Variants in PTPN7 observed in about 807,000 individuals in gnomAD.
The protein encoded by PTPN7 is protein tyrosine phosphatase non-receptor type 7.
In PTPN7, 33 loss-of-function variants were observed where a neutral mutation model predicts 50.3. The observed-to-expected ratio is 0.66, with a 90% CI of 0.50 to 0.88. The LOEUF (loss-of-function observed/expected upper bound fraction) is 0.88, where lower values mean the gene tolerates loss of function less well. PTPN7 is among the 40% of genes least tolerant of loss of function. The probability of loss-of-function intolerance (pLI) is 0.00; values close to 1 mark genes in which losing one functional copy is unlikely to be tolerated. For synonymous variants in PTPN7, 185 were observed against 186.6 expected (o/e 0.99, Z 0.07); for missense variants, 412 against 475.4 (o/e 0.87, Z 1.24).
At position 202,150,394 on chromosome 1, in the gene PTPN7, G is replaced by A. The variant is rs376471036; in HGVS notation, c.906C>T (p.Ile302=). Residue 302 remains isoleucine, a synonymous_variant, in exon 9 of 10, where the codon ATC becomes ATT. Coordinates refer to ENST00000691036, the MANE Select transcript of PTPN7 (RefSeq NM_002832.4). ...GCTGTTGACAGCCAATTCGCGTGGCGATGAAGCAGCCCGTCCGGCCAATCC... is the reference window on the plus strand; with the variant it reads ...GCTGTTGACAGCCAATTCGCGTGGCAATGAAGCAGCCCGTCCGGCCAATCC... ...SAGIGRTGCF[I]ATRIGCQQLK... is the part of the protein sequence containing the mutation. 32 of 1,611,556 alleles carry A rather than the reference G, an allele frequency of 2.0e-5. No individual in the cohort carries two copies. Among genetic ancestry groups the A allele is most frequent in the African/African-American group, 1.9e-4 (14 of 74,996 alleles).
upstream of PTPN7, chr1:202,161,465 A>T: frequency 7.8e-7 from 1 of 1,289,674 alleles, no homozygotes. Context: ...GATGCCTGGG[A>T]CCTGAAGGGT....
chr1:202,159,161 A>G lies in PTPN7; in HGVS notation c.122+120T>C. ...ACTACTGGTTTCCTTTCCAAATTGG[A>G]GTCAACAACTGAGGGCCCTCTGGAC... is the stretch of plus-strand genomic sequence containing the variant. On this transcript the variant is annotated intron_variant, in intron 2 of 9. Transcript: ENST00000691036. This position sits in a 1 kb window ranked among gnomAD's most constrained non-coding sequence, Gnocchi z 4.6. 1 of 921,974 alleles carries G rather than the reference A, an allele frequency of 1.1e-6. No individual in the cohort carries two copies. The highest frequency in any genetic ancestry group is 2.4e-5 in the East Asian group (1 of 41,330). The allele number at this position is 921,974 out of a possible 1,614,324, so 57.1% of individuals were successfully genotyped here. A position where few individuals can be genotyped will look rare whatever the true frequency, so the allele number is the denominator to read the frequency against.
At position 202,160,379 on chromosome 1, in the gene PTPN7, C is replaced by G. The variant is rs907494726; in HGVS notation, c.-53+166G>C. ...TGTAGCTCCCTGTGGCTTCCCTGCT[C>G]ACCCCCGTCTTGGGGACATCAGGTC... On this transcript the variant is annotated intron_variant, in intron 1 of 9. Transcript: ENST00000691036. The surrounding 1 kb of genome is among the most constrained non-coding windows in gnomAD (Gnocchi z 4.8). 6.6e-6 allele frequency among the ~76,000 whole-genome samples: 1 copy of G among 152,074 alleles called. No individual in the cohort carries two copies. Among genetic ancestry groups the G allele is most frequent in the African/African-American group, 2.4e-5 (1 of 41,398 alleles).
intron 7 of PTPN7, among the ~76,000 whole-genome samples, chr1:202,153,422 C>G (rs563068999): frequency 1.3e-5 from 2 of 152,354 alleles, no homozygotes; most frequent in Non-Finnish European, 2.9e-5. Context: ...CCACACCTGG[C>G]CTTCCACATC....
intron 9 of PTPN7, chr1:202,149,860 T>C (rs997420637): frequency 7.2e-6 from 1 of 138,916 alleles, no homozygotes; most frequent in Non-Finnish European, 1.5e-5. Flanking sequence ...TGAGTCAGAG[T>C]CTTGCTCTGT....
In PTPN7 at chr1:202,160,463, C is replaced by T. The variant is rs1657251190; in HGVS notation, c.-53+82G>A. 1.4e-6 allele frequency: 2 copies of T among 1,399,866 alleles called. No individual in the cohort carries two copies. Among genetic ancestry groups the T allele is most frequent in the African/African-American group, 1.4e-5 (1 of 70,064 alleles). 86.7% of individuals were successfully genotyped at this position (1,399,866 alleles called of 1,614,324 possible). Reference sequence around the variant, plus strand: ...CGCCCCACTCGCCCTCCCGCACTCCCTCCTAGAGATGCCCTCTTATATCCC... The same window carrying T: ...CGCCCCACTCGCCCTCCCGCACTCCTTCCTAGAGATGCCCTCTTATATCCC... On this transcript the variant is annotated intron_variant, in intron 1 of 9. Transcript: ENST00000691036. This position sits in a 1 kb window ranked among gnomAD's most constrained non-coding sequence, Gnocchi z 4.8.
upstream of PTPN7, chr1:202,160,888 C>G (rs1426616595): frequency 6.8e-7 from 1 of 1,462,998 alleles, no homozygotes; most frequent in African/African-American, 1.4e-5. This position sits in a 1 kb window ranked among gnomAD's most constrained non-coding sequence, Gnocchi z 4.8. Context: ...CCGCTGCCTA[C>G]TTGCTGGGCA....
chr1:202,157,491 G>A (rs1444656821), intron 4 of PTPN7, among the ~76,000 whole-genome samples: 3 of 150,726 alleles, frequency 2.0e-5, no homozygotes, highest in Admixed American at 6.6e-5. Context: ...CCTGGGTGAC[G>A]AGAGTGAAAA....
rs113043271 is a variant in PTPN7, at chr1:202,157,510, T to TAA, written c.391+227_391+228dup. Among the ~76,000 whole-genome samples the TAA allele has an allele frequency of 8.4e-5, 12 of 142,570 alleles. 1 individual carries two copies. In the South Asian group the frequency reaches 9.0e-4, roughly 11 times the overall value. 93.5% of individuals were successfully genotyped at this position (142,570 alleles called of 152,430 possible). ...GGTGACGAGAGTGAAAACTCCGTCT[T>TAA]AAAAAAAAAAAAAAGGATTGAGAAC... is the stretch of plus-strand genomic sequence containing the variant. On this transcript the variant is annotated intron_variant, in intron 4 of 9. Coordinates refer to ENST00000691036, the MANE Select transcript of PTPN7 (RefSeq NM_002832.4).
intron 7 of PTPN7, 21 bp downstream of exon 7, chr1:202,153,704 C>T: frequency 1.2e-6 from 2 of 1,601,706 alleles, no homozygotes; most frequent in African/African-American, 1.3e-5. Context: ...CCCACTGGGC[C>T]TGGCTCCGGG....
Position 202,160,219 on chromosome 1 carries a change from G to A in PTPN7, c.-53+326C>T, listed in dbSNP as rs1186076292. Among the ~76,000 whole-genome samples, 1 of 152,274 alleles carries A rather than the reference G, an allele frequency of 6.6e-6. No homozygotes were observed. The highest frequency in any genetic ancestry group is 1.9e-4 in the East Asian group (1 of 5,174). On this transcript the variant is annotated intron_variant, in intron 1 of 9. Transcript: ENST00000691036. The surrounding 1 kb of genome is among the most constrained non-coding windows in gnomAD (Gnocchi z 4.8). ...TCTCCCAGAGCCAGGGTCACAGTGG[G>A]CGAGGTGGCGGGGGTGTTGAATCAC...
chr1:202,156,579 G>A (rs1018436456), intron 4 of PTPN7, among the ~76,000 whole-genome samples: 4 of 152,250 alleles, frequency 2.6e-5, no homozygotes, highest in Non-Finnish European at 4.4e-5. Flanking sequence ...GTCATGGACA[G>A]AAGGTACCCT....
intron 7 of PTPN7, among the ~76,000 whole-genome samples, chr1:202,153,487 G>A (rs1015135636): frequency 1.3e-5 from 2 of 152,120 alleles, no homozygotes; most frequent in African/African-American, 4.8e-5. Flanking sequence ...GCCTGTCCCC[G>A]CCTGACCATT....
intron 4 of PTPN7, among the ~76,000 whole-genome samples, chr1:202,156,967 G>A (rs928885577): frequency 4.6e-5 from 7 of 152,136 alleles, no homozygotes; most frequent in South Asian, 2.1e-4. Flanking sequence ...CTTGCTGGCC[G>A]TTGCCCTGTC....
intron 6 of PTPN7, 113 bp downstream of exon 6, chr1:202,154,073 T>C: frequency 7.0e-7 from 1 of 1,431,176 alleles, no homozygotes; most frequent in Non-Finnish European, 9.5e-7. Flanking sequence ...AGGTATGAGC[T>C]GGGGCTGGCT....
At chr1:202,148,831 T>A in intron 9 of PTPN7, 132 bp from the exon 10 acceptor site, 9 of 465,392 alleles carry the variant, frequency 1.9e-5, no homozygotes, top group Admixed American at 4.1e-5. Context: ...CTCCTTTGCC[T>A]ATATTCATCT....
Position 202,148,697 on chromosome 1 carries a change from C to T in PTPN7, c.992G>A (p.Gly331Glu). 6 of 1,613,474 alleles carry T rather than the reference C, an allele frequency of 3.7e-6. No individual in the cohort carries two copies. Among genetic ancestry groups the T allele is most frequent in the Non-Finnish European group, 4.2e-6 (5 of 1,179,648 alleles). The change falls in exon 10 of 10, where the codon GGG becomes GAG. Residue 331 changes from glycine to glutamate, a missense_variant and splice_region_variant. Coordinates refer to ENST00000691036, the MANE Select transcript of PTPN7 (RefSeq NM_002832.4). ...CTGCTCTGCCGTCTGGATCATCCCC[C>T]CTCTGCAAGGAGAAACACACAGACC... ...GIVCQLRLDR[G>E]GMIQTAEQYQ...
At chr1:202,148,805 T>C (rs2147822549) in intron 9 of PTPN7, 106 bp from the exon 10 acceptor site, 1 of 653,872 alleles carries the variant, frequency 1.5e-6, no homozygotes, top group Non-Finnish European at 2.4e-6. Context: ...CCTGACTTTC[T>C]CAAAGAACAT....
intron 3 of PTPN7, 97 bp downstream of exon 3, chr1:202,158,020 AG>A: frequency 7.0e-7 from 1 of 1,429,876 alleles, no homozygotes; most frequent in Non-Finnish European, 9.5e-7. Context: ...AGGGGCCCAA[AG>A]GGGAGACTTG....
Sources: allele counts gnomAD v4.1 joint callset (sites outside exome capture counted in the v4.1 genomes callset), GRCh38; gene constraint gnomAD v4.1.1; non-coding constraint Gnocchi (gnomAD v3.1); transcripts MANE v1.5; gene names NCBI Gene and HGNC (gene_info 2026-07-23, HGNC 2026-07-21).